Variants in NALF1 observed in about 807,000 individuals in gnomAD.
NALF1 encodes family with sequence similarity 155 member A.
A neutral mutation model predicts 48.4 loss-of-function variants in NALF1; 3 were observed. The observed-to-expected ratio is 0.06, with a 90% confidence interval of 0.03 to 0.16. The LOEUF is 0.16. Among genes scored for constraint, NALF1 ranks in the 10% least tolerant of loss-of-function variants. NALF1 has a pLI of 1.00. For missense variants in NALF1, 526 were observed against 571.5 expected, an observed-to-expected ratio of 0.92 and a Z score of 0.81; for synonymous variants, 262 against 245.7, an observed-to-expected ratio of 1.07 and a Z score of -0.62.
intron 1 of NALF1, among the ~76,000 whole-genome samples, chr13:107,662,520 T>C (rs1032004127): frequency 1.3e-5 from 2 of 152,182 alleles, no homozygotes; most frequent in South Asian, 4.1e-4. Flanking sequence ...GGGAAAAGCA[T>C]GGGAATCATT....
chr13:107,409,569 G>C (rs1883955188), intron 1 of NALF1, among the ~76,000 whole-genome samples: 1 of 152,076 alleles, frequency 6.6e-6, no homozygotes, highest in Non-Finnish European at 1.5e-5. Context: ...GAGACAATGT[G>C]GGTACATTCA....
intron 1 of NALF1, among the ~76,000 whole-genome samples, chr13:107,523,695 G>T (rs911140164): frequency 2.0e-5 from 3 of 151,968 alleles, no homozygotes; most frequent in Non-Finnish European, 1.5e-5. Flanking sequence ...TGGAAGGTTG[G>T]TAGTACCTAT....
intron 1 of NALF1, among the ~76,000 whole-genome samples, chr13:107,286,033 A>T (rs1328368973): frequency 6.6e-6 from 1 of 152,160 alleles, no homozygotes. Context: ...TTGTTGAAAT[A>T]AATAAATCTA....
intron 1 of NALF1, among the ~76,000 whole-genome samples, chr13:107,747,063 A>G (rs1191309891): frequency 1.3e-5 from 2 of 152,182 alleles, no homozygotes; most frequent in Non-Finnish European, 2.9e-5. Context: ...GCATCAAACA[A>G]TGAGATACTG....
intron 1 of NALF1, among the ~76,000 whole-genome samples, chr13:107,488,303 G>C (rs1885362419): frequency 6.8e-6 from 1 of 147,406 alleles, no homozygotes; most frequent in Non-Finnish European, 1.5e-5. Flanking sequence ...GTTATTTCTT[G>C]TCTTCTGCTA....
chr13:107,425,239 A>T (rs1016635294), intron 1 of NALF1, among the ~76,000 whole-genome samples: 1 of 152,198 alleles, frequency 6.6e-6, no homozygotes, highest in African/African-American at 2.4e-5. Flanking sequence ...TTGTGGGTGA[A>T]AATTTAGATA....
intron 1 of NALF1, among the ~76,000 whole-genome samples, chr13:107,237,209 C>T (rs1161781551): frequency 1.3e-5 from 2 of 150,590 alleles, no homozygotes; most frequent in African/African-American, 4.9e-5. Context: ...AATTACTGAA[C>T]TAGAAATATA....
chr13:107,464,848 G>A (rs1422335021), intron 1 of NALF1, among the ~76,000 whole-genome samples: 2 of 152,044 alleles, frequency 1.3e-5, no homozygotes, highest in Non-Finnish European at 2.9e-5. Flanking sequence ...CCATTTTGTT[G>A]AGGTATGCTC....
chr13:107,783,587 CAT>C (rs553366927), intron 1 of NALF1, among the ~76,000 whole-genome samples: 213 of 152,294 alleles, frequency 1.4e-3, no homozygotes, highest in African/African-American at 4.7e-3. Context: ...CTCTCTGAAA[CAT>C]GTGCTGTGTC....
At chr13:107,643,264 A>T (rs1363799846) in intron 1 of NALF1, among the ~76,000 whole-genome samples, 1 of 152,170 alleles carries the variant, frequency 6.6e-6, no homozygotes, top group Non-Finnish European at 1.5e-5. Flanking sequence ...TGCTAAAATG[A>T]TTATTTCCAT....
intron 1 of NALF1, among the ~76,000 whole-genome samples, chr13:107,477,639 A>C (rs73594709): frequency 0.028 from 4,234 of 152,102 alleles, 199 homozygotes; most frequent in African/African-American, 0.097. Flanking sequence ...GACAACCTTC[A>C]TATCTCCTCC....
intron 1 of NALF1, among the ~76,000 whole-genome samples, chr13:107,786,416 C>CA (rs34857705): frequency 0.025 from 742 of 29,686 alleles, 103 homozygotes; most frequent in African/African-American, 0.059. Flanking sequence ...AACTCTTTCT[C>CA]AAAAAAAAAA....
chr13:107,767,329 G>A (rs901673990), intron 1 of NALF1, among the ~76,000 whole-genome samples: 1 of 152,168 alleles, frequency 6.6e-6, no homozygotes. Flanking sequence ...TTAAGTCAAG[G>A]ACTCAGGATT....
At chr13:107,621,549 G>A (rs1366961097) in intron 1 of NALF1, among the ~76,000 whole-genome samples, 1 of 152,162 alleles carries the variant, frequency 6.6e-6, no homozygotes, top group East Asian at 1.9e-4. Flanking sequence ...ACATGCTACT[G>A]CTAAGAAGTT....
At chr13:107,471,237 A>G (rs1885095647) in intron 1 of NALF1, among the ~76,000 whole-genome samples, 1 of 151,548 alleles carries the variant, frequency 6.6e-6, no homozygotes, top group Non-Finnish European at 1.5e-5. Context: ...GTGATCATCA[A>G]ATTGGCAATT....
chr13:107,251,534 T>C (rs1324036767), intron 1 of NALF1, among the ~76,000 whole-genome samples: 1 of 152,216 alleles, frequency 6.6e-6, no homozygotes, highest in African/African-American at 2.4e-5. Flanking sequence ...TGCCTACAGC[T>C]ACATCCCACA....
chr13:107,271,481 T>A (rs1227844834), intron 1 of NALF1, among the ~76,000 whole-genome samples: 1 of 151,942 alleles, frequency 6.6e-6, no homozygotes, highest in Non-Finnish European at 1.5e-5. Flanking sequence ...CCAGGGACAA[T>A]GGAATTGCTC....
At chr13:107,461,714 C>G (rs1217750698) in intron 1 of NALF1, among the ~76,000 whole-genome samples, 2 of 152,124 alleles carry the variant, frequency 1.3e-5, no homozygotes, top group African/African-American at 4.8e-5. Context: ...TACCGTAGGT[C>G]TAGAAGTTTA....
intron 1 of NALF1, among the ~76,000 whole-genome samples, chr13:107,308,199 CTTTTTTTTT>C (rs772161115): frequency 3.1e-5 from 3 of 98,168 alleles, no homozygotes; most frequent in Admixed American, 1.3e-4. Flanking sequence ...TGTGTCTATG[CTTTTTTTTT>C]TTTTTTTTTT....
Sources: allele counts gnomAD v4.1 joint callset (sites outside exome capture counted in the v4.1 genomes callset), GRCh38; gene constraint gnomAD v4.1.1; transcripts MANE v1.5; gene names NCBI Gene and HGNC (gene_info 2026-07-23, HGNC 2026-07-21).